The following JDP2 variants were observed in gnomAD, a reference collection of about 807,000 sequenced individuals.
JDP2 encodes Jun dimerization protein 2.
A neutral mutation model predicts 17.1 loss-of-function variants in JDP2; 9 were observed. That is an observed-to-expected ratio of 0.53 (90% CI 0.32 to 0.92). The LOEUF (loss-of-function observed/expected upper bound fraction) is 0.92. JDP2 is among the 40% of genes least tolerant of loss of function. JDP2 has a pLI of 0.04. For missense variants in JDP2, 179 were observed against 220.0 expected, an observed-to-expected ratio of 0.81 and a Z score of 1.18; for synonymous variants, 107 against 95.6, an observed-to-expected ratio of 1.12 and a Z score of -0.69.
intron 2 of JDP2, among the ~76,000 whole-genome samples, chr14:75,449,727 T>A (rs1215667016): frequency 6.6e-6 from 1 of 152,248 alleles, no homozygotes; most frequent in East Asian, 1.9e-4. Flanking sequence ...AAATAGCTCT[T>A]CTCTAGCAAA....
intron 3 of JDP2, among the ~76,000 whole-genome samples, chr14:75,463,267 A>G (rs1264324030): frequency 6.6e-6 from 1 of 152,246 alleles, no homozygotes; most frequent in Non-Finnish European, 1.5e-5. Context: ...TCCTTATAAT[A>G]TTCCAGTGAG....
Position 75,469,783 on chromosome 14 carries a change from A to C in JDP2, c.*308A>C. 1.0e-5 allele frequency: 3 copies of C among 292,718 alleles called. No individual in the cohort carries two copies. Among genetic ancestry groups the C allele is most frequent in the Non-Finnish European group, 1.9e-5 (3 of 154,122 alleles). 18.1% of individuals were successfully genotyped at this position (292,718 alleles called of 1,614,324 possible). A position where few individuals can be genotyped will look rare whatever the true frequency, so the allele number is the denominator to read the frequency against. Reference sequence around the variant, plus strand: ...GGCACCGAGGCCAGGGAGACGCCCAACGAGGCAGCCCTGGGCTCTTCTCTG... The same window carrying C: ...GGCACCGAGGCCAGGGAGACGCCCACCGAGGCAGCCCTGGGCTCTTCTCTG... On this transcript the variant is annotated 3_prime_UTR_variant, in exon 4 of 4. Coordinates refer to ENST00000651602, the MANE Select transcript of JDP2 (RefSeq NM_001135048.2).
intron 1 of JDP2, among the ~76,000 whole-genome samples, chr14:75,434,068 T>C: frequency 6.6e-6 from 1 of 152,232 alleles, no homozygotes. Flanking sequence ...TCTTGTCATC[T>C]TTCCTAAGTC....
intron 3 of JDP2, among the ~76,000 whole-genome samples, chr14:75,467,909 C>T (rs936580107): frequency 5.9e-5 from 9 of 152,088 alleles, no homozygotes; most frequent in East Asian, 1.9e-4. Context: ...CGTCTGGTCA[C>T]GAGGCCTGCC....
chr14:75,451,963 G>C (rs184215687), intron 2 of JDP2, among the ~76,000 whole-genome samples: 1 of 152,202 alleles, frequency 6.6e-6, no homozygotes, highest in Non-Finnish European at 1.5e-5. Flanking sequence ...CTGTTGCCCA[G>C]GCCGGAGTGC....
At chr14:75,440,188 C>T (rs937090705) in intron 2 of JDP2, among the ~76,000 whole-genome samples, 1 of 152,192 alleles carries the variant, frequency 6.6e-6, no homozygotes, top group African/African-American at 2.4e-5. Context: ...AATAACAAGC[C>T]GTTTTTAGGG....
Position 75,438,045 on chromosome 14 carries a change from A to G in JDP2, c.125A>G (p.Asn42Ser). 6.2e-7 allele frequency: 1 copy of G among 1,614,038 alleles called. No individual in the cohort carries two copies. The highest frequency in any genetic ancestry group is 8.5e-7 in the Non-Finnish European group (1 of 1,179,958). ...VEELKYADIR[N>S]LGAMIAPLHF... ...GAGCTGAAATACGCTGACATCCGCA[A>G]CCTCGGGGCCATGATTGCACCCTTG... The change falls in exon 2 of 4, where the codon AAC becomes AGC. Residue 42 changes from asparagine (N) to serine (S), a missense_variant. Transcript: ENST00000651602.
chr14:75,439,145 G>A (rs1885218426), intron 2 of JDP2, among the ~76,000 whole-genome samples: 1 of 152,164 alleles, frequency 6.6e-6, no homozygotes, highest in Non-Finnish European at 1.5e-5. Context: ...CTTTCTTCGT[G>A]GAGAAGGGTG....
chr14:75,433,195 C>CAAAAAAAAAAAAA (rs780191475), intron 1 of JDP2, among the ~76,000 whole-genome samples: 1 of 19,394 alleles, frequency 5.2e-5, no homozygotes, highest in African/African-American at 1.6e-4. Flanking sequence ...AACTCCGTCT[C>CAAAAAAAAAAAAA]AAAAAAAAAA....
chr14:75,467,858 C>T (rs559858885), intron 3 of JDP2, among the ~76,000 whole-genome samples: 8 of 152,256 alleles, frequency 5.3e-5, no homozygotes, highest in South Asian at 4.1e-4. Context: ...ATATTTTCCC[C>T]GAGCATTTTT....
intron 3 of JDP2, 149 bp from the exon 4 acceptor site, chr14:75,469,141 G>T: frequency 3.0e-6 from 2 of 668,916 alleles, no homozygotes; most frequent in Non-Finnish European, 4.9e-6. Context: ...AAGTCAGTTA[G>T]CCAGGGGCTC....
chr14:75,441,507 T>C (rs1885351221), intron 2 of JDP2, among the ~76,000 whole-genome samples: 1 of 152,122 alleles, frequency 6.6e-6, no homozygotes, highest in Non-Finnish European at 1.5e-5. Flanking sequence ...GCCTTACATC[T>C]CTCGGCACCG....
At chr14:75,431,223 C>A (rs1469187980) in intron 1 of JDP2, among the ~76,000 whole-genome samples, 1 of 152,188 alleles carries the variant, frequency 6.6e-6, no homozygotes, top group Non-Finnish European at 1.5e-5. Context: ...AGATTCCTGG[C>A]AGAGATAACT....
rs930362886 is a variant in JDP2 at position 75,430,908 on chromosome 14, C to T, written c.-24+2656C>T. Reference sequence around the variant, plus strand: ...TCAGACTGTGTTTCTTTACTTATTGCTGGCTGTGGGAGGCCTGGCCAGAGC... The same window carrying T: ...TCAGACTGTGTTTCTTTACTTATTGTTGGCTGTGGGAGGCCTGGCCAGAGC... On this transcript the variant is annotated intron_variant, in intron 1 of 3. Transcript: ENST00000651602. The surrounding 1 kb of genome is among the most constrained non-coding windows in gnomAD (Gnocchi z 4.5). Among the ~76,000 whole-genome samples, 5 of 152,174 alleles carry T rather than the reference C, an allele frequency of 3.3e-5. No homozygotes were observed. The highest frequency in any genetic ancestry group is 7.3e-5 in the Non-Finnish European group (5 of 68,032).
At chr14:75,465,967 C>T (rs1180908424) in intron 3 of JDP2, among the ~76,000 whole-genome samples, 2 of 152,044 alleles carry the variant, frequency 1.3e-5, no homozygotes, top group Admixed American at 1.3e-4. Flanking sequence ...CGCTCAGTTC[C>T]TTCATTAATT....
At chr14:75,457,767 A>C (rs1212484469) in intron 2 of JDP2, among the ~76,000 whole-genome samples, 1 of 152,220 alleles carries the variant, frequency 6.6e-6, no homozygotes, top group African/African-American at 2.4e-5. Flanking sequence ...TGTGCCCCCA[A>C]ATCTAAACTC....
At chr14:75,435,705 T>C (rs1229008106) in intron 1 of JDP2, among the ~76,000 whole-genome samples, 1 of 152,182 alleles carries the variant, frequency 6.6e-6, no homozygotes, top group Non-Finnish European at 1.5e-5. Flanking sequence ...GCACAGGGCC[T>C]CCTTCAGCTC....
intron 2 of JDP2, among the ~76,000 whole-genome samples, chr14:75,454,482 T>C (rs1159013503): frequency 1.3e-5 from 2 of 152,220 alleles, no homozygotes; most frequent in Non-Finnish European, 2.9e-5. Flanking sequence ...ATTTAGTTAA[T>C]AAACACCCAT....
At chr14:75,453,180 G>A (rs1337083988) in intron 2 of JDP2, among the ~76,000 whole-genome samples, 1 of 152,110 alleles carries the variant, frequency 6.6e-6, no homozygotes, top group Non-Finnish European at 1.5e-5. Context: ...GTGGGGGAGT[G>A]GGGAGGGACT....
Sources: gnomAD v4.1 joint callset for allele counts (sites outside exome capture counted in the v4.1 genomes callset) on GRCh38, gnomAD v4.1.1 for gene constraint, Gnocchi (gnomAD v3.1) non-coding constraint, MANE v1.5 for transcripts, NCBI Gene and HGNC (gene_info 2026-07-23, HGNC 2026-07-21) for gene names.